LPCAT2: variants seen among roughly 807,000 people sequenced by gnomAD.
The protein encoded by LPCAT2 is lysophosphatidylcholine acyltransferase 2.
A neutral mutation model predicts 64.7 loss-of-function variants in LPCAT2; 58 were observed. The ratio of observed to expected loss-of-function variants is 0.90; its 90% confidence interval spans 0.73 to 1.12. The LOEUF (loss-of-function observed/expected upper bound fraction) is 1.12, where lower values mean the gene tolerates loss of function less well. LPCAT2 is among the 50% of genes most tolerant of loss of function. The probability of loss-of-function intolerance (pLI) is 0.00; values close to 1 mark genes in which losing one functional copy is unlikely to be tolerated. For synonymous variants in LPCAT2, 252 were observed against 245.3 expected (o/e 1.03, Z -0.26); for missense variants, 579 against 669.8 (o/e 0.86, Z 1.50).
intron 1 of LPCAT2, among the ~76,000 whole-genome samples, chr16:55,515,157 A>C (rs1206761747): frequency 2.0e-5 from 3 of 152,202 alleles, no homozygotes; most frequent in African/African-American, 4.8e-5. Flanking sequence ...AATAATGCCC[A>C]AAAACTTGCT....
At chr16:55,513,924 C>CG (rs1962970481) in intron 1 of LPCAT2, among the ~76,000 whole-genome samples, 1 of 152,204 alleles carries the variant, frequency 6.6e-6, no homozygotes, top group African/African-American at 2.4e-5. Context: ...CAGAGGAAAG[C>CG]GAGTGCAGTG....
Position 55,513,305 on chromosome 16 carries a change from A to G in LPCAT2, c.171+3953A>G, listed in dbSNP as rs184311007. 3.4e-3 allele frequency among the ~76,000 whole-genome samples: 520 copies of G among 152,306 alleles called. 4 individuals carry two copies. Among genetic ancestry groups the G allele is most frequent in the South Asian group, 7.9e-3 (38 of 4,826 alleles). On this transcript the variant is annotated intron_variant, in intron 1 of 13. Transcript: ENST00000262134. ...AAAGAGAACCAAATGGGCATTCAAA[A>G]CTGAAAACTGTTATATCTGAAATGA...
At chr16:55,543,183 C>G (rs1963416592) in intron 8 of LPCAT2, among the ~76,000 whole-genome samples, 1 of 152,056 alleles carries the variant, frequency 6.6e-6, no homozygotes. Context: ...AATGGGGCCT[C>G]CAAGGCCCAT....
chr16:55,564,332 A>G (rs1963668391), intron 11 of LPCAT2, among the ~76,000 whole-genome samples: 1 of 151,966 alleles, frequency 6.6e-6, no homozygotes, highest in African/African-American at 2.4e-5. Flanking sequence ...CTTTACAAAA[A>G]TAGAACAATC....
chr16:55,543,396 T>A (rs1963418360), intron 8 of LPCAT2, among the ~76,000 whole-genome samples: 1 of 152,216 alleles, frequency 6.6e-6, no homozygotes, highest in African/African-American at 2.4e-5. Flanking sequence ...AGGTTTTCAG[T>A]ATGACCTTTT....
chr16:55,549,208 G>T, intron 9 of LPCAT2, 69 bp from the exon 10 acceptor site: 2 of 1,301,208 alleles, frequency 1.5e-6, no homozygotes, highest in Non-Finnish European at 2.1e-6. Flanking sequence ...ACCAGTTAAA[G>T]CCTAGTGAAA....
chr16:55,525,638 G>C lies in LPCAT2; in HGVS notation c.302G>C (p.Gly101Ala). ...CPEKLTHPIT[G>A]WRRKITQTAL... ...GAAAAGCTGACCCACCCAATAACTG[G>C]TTGGAGGAGGTAAGAAATAATTTTG... Residue 101 changes from glycine (G) to alanine (A), a missense_variant, in exon 2 of 14, where the codon GGT (glycine) becomes GCT (alanine). By Grantham distance (60) the Gly-to-Ala change is moderately conservative. Transcript: ENST00000262134. 1 of 1,598,488 alleles carries C rather than the reference G, an allele frequency of 6.3e-7. No individual in the cohort carries two copies. Among genetic ancestry groups the C allele is most frequent in the Non-Finnish European group, 8.5e-7 (1 of 1,173,686 alleles).
At chr16:55,537,502 A>G in intron 7 of LPCAT2, 76 bp from the exon 8 acceptor site, 1 of 1,182,170 alleles carries the variant, frequency 8.5e-7, no homozygotes, top group Admixed American at 1.9e-5. Context: ...TTTGTGTATA[A>G]AGAAATGATT....
chr16:55,525,483 T>C (rs769490395), intron 1 of LPCAT2, 25 bp from the exon 2 acceptor site: 5 of 1,595,806 alleles, frequency 3.1e-6, no homozygotes, highest in Non-Finnish European at 4.3e-6. Context: ...TCCATTCATT[T>C]ATTTTTACCA....
chr16:55,567,024 G>C (rs1300003631), intron 11 of LPCAT2: 1 of 1,613,878 alleles, frequency 6.2e-7, no homozygotes, highest in Admixed American at 1.7e-5. Flanking sequence ...ACAGCTGGCT[G>C]GACCAGACAT....
At chr16:55,552,355 T>C (rs1963527259) in intron 11 of LPCAT2, among the ~76,000 whole-genome samples, 1 of 152,242 alleles carries the variant, frequency 6.6e-6, no homozygotes, top group African/African-American at 2.4e-5. Flanking sequence ...AGTTGAGGAA[T>C]ATTTGGTTTG....
chr16:55,566,660 AG>A (rs1301688585), intron 11 of LPCAT2: 2 of 1,331,964 alleles, frequency 1.5e-6, no homozygotes, highest in East Asian at 4.8e-5. Flanking sequence ...GGTAAAGAAA[AG>A]CCAGTTCTTC....
At chr16:55,555,197 G>C (rs1963561097) in intron 11 of LPCAT2, among the ~76,000 whole-genome samples, 1 of 152,158 alleles carries the variant, frequency 6.6e-6, no homozygotes, top group Non-Finnish European at 1.5e-5. Context: ...AAAATACATT[G>C]TCTGTGAAGT....
intron 11 of LPCAT2, among the ~76,000 whole-genome samples, chr16:55,554,290 G>A (rs1230871600): frequency 6.6e-6 from 1 of 152,114 alleles, no homozygotes; most frequent in Non-Finnish European, 1.5e-5. Context: ...TTCATTAAAA[G>A]GCCATTTCAT....
chr16:55,575,688 T>C (rs1484659903), intron 12 of LPCAT2, among the ~76,000 whole-genome samples: 7 of 152,208 alleles, frequency 4.6e-5, no homozygotes, highest in African/African-American at 1.7e-4. Flanking sequence ...ACTTTCTTCT[T>C]CCAAGAGTTC....
intron 2 of LPCAT2, among the ~76,000 whole-genome samples, chr16:55,526,616 C>A (rs1181969971): frequency 6.6e-6 from 1 of 152,138 alleles, no homozygotes; most frequent in Admixed American, 6.6e-5. Context: ...CCAGAGAAAT[C>A]TCAGTTCTTG....
chr16:55,550,540 C>T (rs964824540), intron 10 of LPCAT2, among the ~76,000 whole-genome samples: 30 of 151,882 alleles, frequency 2.0e-4, no homozygotes, highest in African/African-American at 7.0e-4. Context: ...TTTATTATTC[C>T]ACTACAATGT....
At chr16:55,570,645 A>T (rs1348326060) in intron 11 of LPCAT2, among the ~76,000 whole-genome samples, 2 of 152,150 alleles carry the variant, frequency 1.3e-5, no homozygotes, top group African/African-American at 4.8e-5. Context: ...TTAAACAACT[A>T]CCCGTATAGT....
At chr16:55,582,210 C>T (rs2142428109) in intron 13 of LPCAT2, among the ~76,000 whole-genome samples, 1 of 152,206 alleles carries the variant, frequency 6.6e-6, no homozygotes, top group South Asian at 2.1e-4. Context: ...AGAAATAGAG[C>T]TTTTCCACAA....
Sources: allele counts gnomAD v4.1 joint callset (sites outside exome capture counted in the v4.1 genomes callset), GRCh38; gene constraint gnomAD v4.1.1; transcripts MANE v1.5; gene names NCBI Gene and HGNC (gene_info 2026-07-23, HGNC 2026-07-21).